The following TSPAN1 variants were observed in gnomAD, a reference collection of about 807,000 sequenced individuals.
TSPAN1 encodes tetraspanin-1.
A neutral mutation model predicts 26.9 loss-of-function variants in TSPAN1; 23 were observed. The observed-to-expected ratio is 0.85, with a 90% confidence interval of 0.62 to 1.21. TSPAN1 has a LOEUF of 1.21. Ranked by LOEUF, TSPAN1 falls within the 50% of genes most tolerant of loss-of-function variation. TSPAN1 has a pLI of 0.00. For missense variants in TSPAN1, 283 were observed against 298.4 expected (o/e 0.95, Z 0.38); for synonymous variants, 115 against 114.8 (o/e 1.00, Z -0.01).
chr1:46,194,093 C>T, the TSPAN1 span, among the ~76,000 whole-genome samples: 2 of 152,194 alleles, frequency 1.3e-5, no homozygotes, highest in East Asian at 1.9e-4. Flanking sequence ...AACTCTAGCG[C>T]TGAGCTTTAC....
chr1:46,183,905 G>A, intron 3 of TSPAN1: 1 of 501,988 alleles, frequency 2.0e-6, no homozygotes, highest in Non-Finnish European at 3.6e-6. Flanking sequence ...GCAGGACCCT[G>A]GCAGCAGTGA....
At chr1:46,176,563 G>T (rs532664260) in intron 1 of TSPAN1, 1 of 1,426,288 alleles carries the variant, frequency 7.0e-7, no homozygotes. Flanking sequence ...ATAAGGGCAG[G>T]GCCCTTTATT....
the TSPAN1 span, chr1:46,195,810 C>T: frequency 1.3e-6 from 2 of 1,588,340 alleles, no homozygotes; most frequent in Non-Finnish European, 8.6e-7. Flanking sequence ...GAATAACTGA[C>T]CTTGACAGTG....
intron 3 of TSPAN1, among the ~76,000 whole-genome samples, chr1:46,183,209 C>T (rs1361267684): frequency 5.3e-5 from 8 of 152,156 alleles, no homozygotes; most frequent in African/African-American, 4.8e-5. Context: ...AAGGCAAATC[C>T]GGTTTGATTT....
At chr1:46,193,496 C>T in the TSPAN1 span, 5 of 1,613,168 alleles carry the variant, frequency 3.1e-6, no homozygotes, top group Non-Finnish European at 3.4e-6. Context: ...GTCTCCCTTG[C>T]CCGTCCCTGG....
At chr1:46,195,035 T>A in the TSPAN1 span, 29 of 1,316,610 alleles carry the variant, frequency 2.2e-5, no homozygotes, top group Non-Finnish European at 2.9e-5. Context: ...GCACGAACTA[T>A]GTAGCAACCT....
At chr1:46,192,952 T>G in the TSPAN1 span, 1 of 1,614,112 alleles carries the variant, frequency 6.2e-7, no homozygotes, top group Non-Finnish European at 8.5e-7. Context: ...ACAGCAAACT[T>G]GGCCTCCTAG....
At position 46,181,131 on chromosome 1, in the gene TSPAN1, G is replaced by A; in HGVS notation, c.24G>A (p.Lys8=). ...CCATGCAGTGCTTCAGCTTCATTAA[G>A]ACCATGATGATCCTCTTCAATTTGC... The part of the protein sequence containing the change: MQCFSFI[K]TMMILFNLLI... The change falls in exon 3 of 9, where the codon AAG becomes AAA. Residue 8 remains lysine (K), a synonymous_variant. Transcript: ENST00000372003. The A allele has an allele frequency of 1.9e-6, 3 of 1,613,948 alleles. No individual in the cohort carries two copies. The highest frequency in any genetic ancestry group is 2.5e-6 in the Non-Finnish European group (3 of 1,179,898).
the TSPAN1 span, chr1:46,194,593 T>C: frequency 6.2e-7 from 1 of 1,614,176 alleles, no homozygotes; most frequent in South Asian, 1.1e-5. Context: ...TCAGCAGGAC[T>C]GGGTCCCCCC....
chr1:46,186,952 G>A (rs745994923), downstream of TSPAN1, among the ~76,000 whole-genome samples: 15 of 151,692 alleles, frequency 9.9e-5, no homozygotes, highest in East Asian at 7.7e-4. Flanking sequence ...ATGAGCCACC[G>A]TGCCCGGCCA....
downstream of TSPAN1, chr1:46,189,028 TA>T (rs1557668219): frequency 1.3e-6 from 2 of 1,575,234 alleles, no homozygotes; most frequent in Non-Finnish European, 1.7e-6. Flanking sequence ...CTAGGGATCG[TA>T]ATGATTCCCA....
intron 1 of TSPAN1, chr1:46,176,219 C>T (rs1657153391): frequency 2.0e-6 from 3 of 1,534,806 alleles, no homozygotes; most frequent in Non-Finnish European, 2.6e-6. Context: ...CACAGGCCCC[C>T]TGGCTAACCT....
downstream of TSPAN1, among the ~76,000 whole-genome samples, chr1:46,186,664 G>GTT (rs759573351): frequency 0.014 from 998 of 71,798 alleles, 50 homozygotes; most frequent in African/African-American, 0.042. Context: ...TAATTTTTGT[G>GTT]TTTTTTTTTT....
chr1:46,193,684 A>G, the TSPAN1 span: 1 of 1,613,138 alleles, frequency 6.2e-7, no homozygotes, highest in South Asian at 1.1e-5. Flanking sequence ...TCACCCCTCA[A>G]CTCAGGTTCC....
rs1188094615 is a variant in TSPAN1 at position 46,184,302 on chromosome 1, G to A, written c.169G>A (p.Gly57Ser). Residue 57 changes from glycine (G) to serine (S), a missense_variant, in exon 4 of 9, where the codon GGC becomes AGC. Physicochemically the swap from Gly to Ser is moderately conservative, Grantham distance 56. Coordinates refer to ENST00000372003, the MANE Select transcript of TSPAN1 (RefSeq NM_005727.4). ...SSSAMQFVNVGYFLIAAGVVV... is the reference protein window; with the variant it reads ...SSSAMQFVNVSYFLIAAGVVV... ...CAGTGCCATGCAGTTTGTCAACGTG[G>A]GCTACTTCCTCATCGCAGCCGGCGT... 1 of 1,614,030 alleles carries A rather than the reference G, an allele frequency of 6.2e-7. No individual in the cohort carries two copies. The highest frequency in any genetic ancestry group is 8.5e-7 in the Non-Finnish European group (1 of 1,180,036).
downstream of TSPAN1, among the ~76,000 whole-genome samples, chr1:46,186,432 C>T (rs1428537488): frequency 6.6e-6 from 1 of 151,608 alleles, no homozygotes; most frequent in East Asian, 1.9e-4. Flanking sequence ...TTCATTTTTT[C>T]GTTGCTGCTG....
the TSPAN1 span, chr1:46,191,092 A>G: frequency 1.3e-5 from 5 of 378,426 alleles, no homozygotes; most frequent in Admixed American, 3.7e-5. Flanking sequence ...CTAGAGCCAC[A>G]GATGTCAGAA....
At chr1:46,180,013 G>A (rs1264056331) in intron 1 of TSPAN1, among the ~76,000 whole-genome samples, 2 of 151,612 alleles carry the variant, frequency 1.3e-5, no homozygotes, top group African/African-American at 4.9e-5. Flanking sequence ...GAGTGAAAGA[G>A]ATACTTAAGT....
chr1:46,190,858 A>T (rs1657710925), downstream of TSPAN1: 1 of 1,379,712 alleles, frequency 7.2e-7, no homozygotes, highest in South Asian at 1.2e-5. Context: ...CCAGCCAGAC[A>T]TCTATAAGAC....
Sources: allele counts gnomAD v4.1 joint callset (sites outside exome capture counted in the v4.1 genomes callset), GRCh38; gene constraint gnomAD v4.1.1; transcripts MANE v1.5; gene names NCBI Gene and HGNC (gene_info 2026-07-23, HGNC 2026-07-21).